CSMD3: variants seen among roughly 807,000 people sequenced by gnomAD.
CSMD3 encodes CUB and sushi domain-containing protein 3.
In CSMD3, 177 loss-of-function variants were observed where a neutral mutation model predicts 435.2. That is an observed-to-expected ratio of 0.41 (90% CI 0.36 to 0.46). The LOEUF is 0.46. Among genes scored for constraint, CSMD3 ranks in the 20% least tolerant of loss-of-function variants. The pLI is 0.34. For missense variants in CSMD3, 4,265 were observed against 4,504.6 expected (o/e 0.95, Z 1.52); for synonymous variants, 1,656 against 1,520.5 (o/e 1.09, Z -2.07).
chr8:113,426,269 G>A (rs1322718995), intron 1 of CSMD3, among the ~76,000 whole-genome samples: 2 of 151,228 alleles, frequency 1.3e-5, no homozygotes, highest in Non-Finnish European at 1.5e-5. Flanking sequence ...TCTGCATAAT[G>A]AAAATATAGT....
chr8:112,560,509 T>C (rs1437488196), intron 24 of CSMD3, among the ~76,000 whole-genome samples: 1 of 151,682 alleles, frequency 6.6e-6, no homozygotes, highest in African/African-American at 2.4e-5. Flanking sequence ...GTAATGCTGA[T>C]AAGAAACTGA....
Position 112,368,893 on chromosome 8 carries a change from C to T in CSMD3, c.6136+11459G>A, listed in dbSNP as rs576308721. Among the ~76,000 whole-genome samples, 70 of 152,206 alleles carry T rather than the reference C, an allele frequency of 4.6e-4. No homozygotes were observed. In the South Asian group the frequency reaches 0.015, roughly 32 times the overall value. On this transcript the variant is annotated intron_variant, in intron 38 of 70. Transcript: ENST00000297405. ...AATTTAAAAAAATAAAACAAAAATACCTCTATGAAACATTTAGCAATGTGC... is the reference window on the plus strand; with the variant it reads ...AATTTAAAAAAATAAAACAAAAATATCTCTATGAAACATTTAGCAATGTGC...
chr8:113,404,600 T>C (rs1025664808), intron 1 of CSMD3, among the ~76,000 whole-genome samples: 3 of 151,416 alleles, frequency 2.0e-5, no homozygotes, highest in Non-Finnish European at 4.4e-5. Flanking sequence ...CCTGATATTG[T>C]CTGAGCAGGA....
At chr8:112,401,321 T>C (rs1197989123) in intron 35 of CSMD3, among the ~76,000 whole-genome samples, 1 of 152,194 alleles carries the variant, frequency 6.6e-6, no homozygotes, top group Non-Finnish European at 1.5e-5. Flanking sequence ...GCTTGCTATT[T>C]TGCTATTTTT....
At chr8:112,575,984 A>G (rs966371280) in intron 23 of CSMD3, among the ~76,000 whole-genome samples, 4 of 152,074 alleles carry the variant, frequency 2.6e-5, no homozygotes, top group African/African-American at 9.7e-5. Context: ...CCCAAATAAT[A>G]TTTTCCTTGT....
intron 13 of CSMD3, among the ~76,000 whole-genome samples, chr8:112,780,009 C>T (rs1407167192): frequency 1.3e-5 from 2 of 151,906 alleles, no homozygotes; most frequent in Non-Finnish European, 2.9e-5. Context: ...AGAATTTCTT[C>T]CCCAATTAGA....
At position 112,274,753 on chromosome 8, in the gene CSMD3, A is replaced by G. The variant is rs114710888; in HGVS notation, c.9508+6421T>C. ...TTATCATAAGTAGAAATGGACCACA[A>G]GACAAATTTAAAGAAGTCCTTCCAG... On this transcript the variant is annotated intron_variant, in intron 59 of 70. Coordinates refer to ENST00000297405, the MANE Select transcript of CSMD3 (RefSeq NM_198123.2). 3.2e-3 allele frequency among the ~76,000 whole-genome samples: 486 copies of G among 152,328 alleles called. 4 individuals are homozygous for G. Among genetic ancestry groups the G allele is most frequent in the African/African-American group, 0.011 (472 of 41,580 alleles).
At chr8:113,317,661 T>C (rs747744039) in intron 1 of CSMD3, among the ~76,000 whole-genome samples, 3 of 152,174 alleles carry the variant, frequency 2.0e-5, no homozygotes, top group South Asian at 2.1e-4. Context: ...CTTTAAAAAT[T>C]TGAAAATCAG....
chr8:112,387,833 G>A (rs1295518841), intron 36 of CSMD3, among the ~76,000 whole-genome samples: 2 of 152,118 alleles, frequency 1.3e-5, no homozygotes, highest in Non-Finnish European at 2.9e-5. Flanking sequence ...CTCTAAAATA[G>A]TCAAAACTCC....
chr8:112,480,067 C>A (rs889666636), intron 31 of CSMD3, among the ~76,000 whole-genome samples: 1 of 152,228 alleles, frequency 6.6e-6, no homozygotes, highest in African/African-American at 2.4e-5. Flanking sequence ...TGCCCAAGGC[C>A]TTGGGAGTCC....
intron 13 of CSMD3, among the ~76,000 whole-genome samples, chr8:112,747,183 CTTTTTTTTTTT>C (rs71309787): frequency 1.9e-4 from 5 of 26,946 alleles, no homozygotes; most frequent in East Asian, 1.0e-3. Flanking sequence ...GCACACTTCC[CTTTTTTTTTTT>C]TTTTTTTTTT....
chr8:112,986,403 CT>C (rs964756469), intron 6 of CSMD3, among the ~76,000 whole-genome samples: 2 of 151,980 alleles, frequency 1.3e-5, no homozygotes, highest in African/African-American at 4.8e-5. Flanking sequence ...CCTGTGAAAA[CT>C]TTTGGAATGA....
intron 3 of CSMD3, among the ~76,000 whole-genome samples, chr8:113,223,576 G>C (rs1014368863): frequency 1.3e-5 from 2 of 149,398 alleles, no homozygotes; most frequent in African/African-American, 4.9e-5. Flanking sequence ...TGCTGACATG[G>C]AGAAGTTTCA....
At chr8:112,232,423 C>T (rs1032237449) in intron 68 of CSMD3, among the ~76,000 whole-genome samples, 1 of 152,098 alleles carries the variant, frequency 6.6e-6, no homozygotes, top group Non-Finnish European at 1.5e-5. Flanking sequence ...GCCTAGCCAA[C>T]ATGGTAAAAC....
At chr8:112,536,016 T>C (rs540815914) in intron 27 of CSMD3, among the ~76,000 whole-genome samples, 2 of 152,180 alleles carry the variant, frequency 1.3e-5, no homozygotes, top group African/African-American at 4.8e-5. Context: ...TATACAAAAA[T>C]TAATTCAAGA....
chr8:112,843,395 T>A (rs543108686), intron 11 of CSMD3, among the ~76,000 whole-genome samples: 1 of 151,994 alleles, frequency 6.6e-6, no homozygotes, highest in South Asian at 2.1e-4. Context: ...TTGTTACTCC[T>A]CATTGCCACC....
chr8:113,095,903 A>C (rs2131533523), intron 5 of CSMD3, among the ~76,000 whole-genome samples: 1 of 152,242 alleles, frequency 6.6e-6, no homozygotes, highest in African/African-American at 2.4e-5. Flanking sequence ...GAAGACCCTA[A>C]GGGATAACTG....
intron 13 of CSMD3, among the ~76,000 whole-genome samples, chr8:112,692,767 G>A (rs1012590808): frequency 2.0e-5 from 3 of 152,074 alleles, no homozygotes; most frequent in African/African-American, 7.2e-5. Flanking sequence ...CCAAAAATAG[G>A]TAAGTATAGT....
At chr8:113,358,734 T>C (rs2094250810) in intron 1 of CSMD3, among the ~76,000 whole-genome samples, 1 of 151,904 alleles carries the variant, frequency 6.6e-6, no homozygotes, top group Admixed American at 6.6e-5. Context: ...CATAGCAAAA[T>C]AGAAAAAAAG....
Sources: gnomAD v4.1 joint callset for allele counts (sites outside exome capture counted in the v4.1 genomes callset) on GRCh38, gnomAD v4.1.1 for gene constraint, MANE v1.5 for transcripts, NCBI Gene and HGNC (gene_info 2026-07-23, HGNC 2026-07-21) for gene names.